The following GMCL1 variants were observed in gnomAD, a reference collection of about 807,000 sequenced individuals.
GMCL1 encodes the protein germ cell-less 1, spermatogenesis associated, also known as germ cell-less protein-like 1.
Under a neutral mutation model 75.5 loss-of-function variants are expected in GMCL1, and 54 were observed. That is an observed-to-expected ratio of 0.71 (90% CI 0.57 to 0.90). The LOEUF is 0.90. Ranked by LOEUF, GMCL1 falls within the 40% of genes least tolerant of loss-of-function variation. GMCL1 has a pLI of 0.00. For synonymous variants in GMCL1, 210 were observed against 209.6 expected (o/e 1.00, Z -0.02); for missense variants, 537 against 622.7 (o/e 0.86, Z 1.47).
chr2:69,842,915 C>G (rs111370854), intron 4 of GMCL1: 6 of 291,756 alleles, frequency 2.1e-5, no homozygotes, highest in African/African-American at 2.2e-5. Context: ...TACTCCCCCC[C>G]ACCTTCCATT....
intron 11 of GMCL1, among the ~76,000 whole-genome samples, chr2:69,866,142 G>A (rs986702020): frequency 2.0e-5 from 3 of 151,804 alleles, no homozygotes; most frequent in African/African-American, 7.3e-5. Flanking sequence ...CTAGCTACTC[G>A]GAAGGCTGAG....
intron 10 of GMCL1, among the ~76,000 whole-genome samples, chr2:69,863,452 C>T (rs565037104): frequency 2.0e-5 from 3 of 152,282 alleles, no homozygotes; most frequent in South Asian, 2.1e-4. Context: ...CTGGGCTTCT[C>T]CTCATAAAAC....
At chr2:69,868,959 CAAAA>C (rs1047941759) in intron 11 of GMCL1, among the ~76,000 whole-genome samples, 2 of 138,330 alleles carry the variant, frequency 1.4e-5, no homozygotes, top group Non-Finnish European at 3.2e-5. Context: ...ACTCAAAATA[CAAAA>C]AAAAAAGGCC....
At chr2:69,837,000 G>T (rs1025491556) in intron 1 of GMCL1, among the ~76,000 whole-genome samples, 3 of 152,092 alleles carry the variant, frequency 2.0e-5, no homozygotes, top group African/African-American at 4.8e-5. Flanking sequence ...TTGATCTAAG[G>T]TTGCAAACCG....
chr2:69,845,907 A>G (rs1451871589), intron 6 of GMCL1, among the ~76,000 whole-genome samples: 1 of 152,110 alleles, frequency 6.6e-6, no homozygotes, highest in Non-Finnish European at 1.5e-5. Context: ...GAAATGTACA[A>G]AACCAAAGTC....
intron 13 of GMCL1, among the ~76,000 whole-genome samples, chr2:69,875,970 G>A (rs1676119176): frequency 6.6e-6 from 1 of 152,148 alleles, no homozygotes; most frequent in South Asian, 2.1e-4. Context: ...GGTTACAGGT[G>A]TAAGCCACCG....
intron 12 of GMCL1, 95 bp from the exon 13 acceptor site, chr2:69,871,650 A>C: frequency 1.5e-6 from 1 of 652,378 alleles, no homozygotes. Context: ...CAAATAAAAA[A>C]CAGAGGAAAA....
intron 6 of GMCL1, among the ~76,000 whole-genome samples, chr2:69,846,078 G>A (rs571900361): frequency 3.3e-5 from 5 of 151,630 alleles, no homozygotes; most frequent in African/African-American, 1.2e-4. Flanking sequence ...TTATAGAAAT[G>A]TTACTTTTTA....
At chr2:69,839,335 G>A in intron 2 of GMCL1, 122 bp from the exon 3 acceptor site, 1 of 541,344 alleles carries the variant, frequency 1.8e-6, no homozygotes, top group Non-Finnish European at 3.4e-6. Context: ...TTTTTCTGTT[G>A]AAGTAATAGA....
chr2:69,846,769 G>A (rs1345767775), intron 6 of GMCL1, among the ~76,000 whole-genome samples: 1 of 151,944 alleles, frequency 6.6e-6, no homozygotes, highest in African/African-American at 2.4e-5. Context: ...TTATGACTAA[G>A]CAATTCTCTT....
At chr2:69,833,262 T>C (rs1440788456) in intron 1 of GMCL1, among the ~76,000 whole-genome samples, 1 of 152,228 alleles carries the variant, frequency 6.6e-6, no homozygotes, top group African/African-American at 2.4e-5. Context: ...ATTTAGTGTC[T>C]GTATATTACT....
intron 8 of GMCL1, 135 bp from the exon 9 acceptor site, chr2:69,854,686 TAA>T (rs2103996248): frequency 1.5e-6 from 1 of 662,470 alleles, no homozygotes; most frequent in Non-Finnish European, 2.5e-6. Context: ...CTAAGGTTTA[TAA>T]AATTCTTGAG....
At chr2:69,852,739 A>C (rs1468346582) in intron 8 of GMCL1, among the ~76,000 whole-genome samples, 1 of 152,128 alleles carries the variant, frequency 6.6e-6, no homozygotes, top group Non-Finnish European at 1.5e-5. Flanking sequence ...GGAGTTTGCC[A>C]TGTTGGCCAG....
chr2:69,843,991 T>A (rs1675060227), intron 5 of GMCL1, 140 bp from the exon 6 acceptor site: 1 of 451,410 alleles, frequency 2.2e-6, no homozygotes, highest in African/African-American at 2.1e-5. Context: ...ACAAAAATAA[T>A]ACTAAATTTC....
intron 1 of GMCL1, among the ~76,000 whole-genome samples, chr2:69,833,333 G>A (rs933865516): frequency 3.3e-5 from 5 of 152,152 alleles, no homozygotes; most frequent in African/African-American, 7.2e-5. Flanking sequence ...TACTAAGACG[G>A]GCCAGGCGTG....
At chr2:69,869,486 CTG>C (rs1675923121) in intron 11 of GMCL1, 1 of 275,896 alleles carries the variant, frequency 3.6e-6, no homozygotes, top group South Asian at 6.8e-5. Flanking sequence ...GATAAGGAAA[CTG>C]ATCATGAAGA....
chr2:69,870,943 C>T (rs1675964985), intron 12 of GMCL1, among the ~76,000 whole-genome samples: 1 of 152,178 alleles, frequency 6.6e-6, no homozygotes, highest in Non-Finnish European at 1.5e-5. Context: ...TAAAATGGCA[C>T]AGCCACTATG....
chr2:69,867,900 C>T (rs1042366966), intron 11 of GMCL1, among the ~76,000 whole-genome samples: 1 of 152,210 alleles, frequency 6.6e-6, no homozygotes, highest in South Asian at 2.1e-4. Flanking sequence ...GGGCAATGCT[C>T]CCACCCTTAT....
intron 13 of GMCL1, among the ~76,000 whole-genome samples, chr2:69,873,988 G>T (rs1573376065): frequency 6.7e-6 from 1 of 148,724 alleles, no homozygotes; most frequent in South Asian, 2.1e-4. Context: ...GCTTTTTTTG[G>T]TCAATAAATA....
Sources: allele counts gnomAD v4.1 joint callset (sites outside exome capture counted in the v4.1 genomes callset), GRCh38; gene constraint gnomAD v4.1.1; transcripts MANE v1.5; gene names NCBI Gene and HGNC (gene_info 2026-07-23, HGNC 2026-07-21).